Variants in WDFY4 observed in about 807,000 individuals in gnomAD.
The protein encoded by WDFY4 is WD repeat- and FYVE domain-containing protein 4.
A neutral mutation model predicts 351.9 loss-of-function variants in WDFY4; 169 were observed. The observed-to-expected ratio is 0.48, with a 90% confidence interval of 0.42 to 0.55. The LOEUF is 0.55. Ranked by LOEUF, WDFY4 falls within the 20% of genes least tolerant of loss-of-function variation. The pLI, the probability that WDFY4 is intolerant of heterozygous loss-of-function variation, is 0.00. For synonymous variants in WDFY4, 1,622 were observed against 1,574.6 expected (o/e 1.03, Z -0.71); for missense variants, 3,803 against 3,935.6 (o/e 0.97, Z 0.90).
chr10:48,832,519 A>C (rs2068224814), intron 38 of WDFY4, 54 bp from the exon 39 acceptor site: 1 of 1,467,442 alleles, frequency 6.8e-7, no homozygotes, highest in Non-Finnish European at 9.1e-7. Context: ...CTAGCTATAA[A>C]AATAGTGTGT....
rs141064566 is a variant in WDFY4, at chr10:48,826,543, A to G, written c.5983-128A>G. The G allele has an allele frequency of 2.1e-4, 141 of 666,610 alleles. No individual in the cohort carries two copies. The East Asian group carries it at 3.4e-3, about 16-fold the overall frequency. 41.3% of individuals were successfully genotyped at this position (666,610 alleles called of 1,614,324 possible). ...GTTTAATGGGAATAGCATTGAATCT[A>G]TAAATTACTTTGGGCGGTAAGCCAT... On this transcript the variant is annotated intron_variant, in intron 35 of 61. Transcript: ENST00000325239.
chr10:48,794,727 G>A (rs752679029), intron 23 of WDFY4, among the ~76,000 whole-genome samples: 5 of 152,174 alleles, frequency 3.3e-5, no homozygotes, highest in Admixed American at 2.6e-4. Flanking sequence ...GAGAAGGCGG[G>A]TATGGTCAAA....
At chr10:48,689,413 C>T (rs985950623) in intron 1 of WDFY4, among the ~76,000 whole-genome samples, 1 of 152,180 alleles carries the variant, frequency 6.6e-6, no homozygotes, top group Non-Finnish European at 1.5e-5. Flanking sequence ...GTGAAATACA[C>T]ACCAGATTTT....
At chr10:48,787,807 CTCTTCT>C (rs1555010319) in intron 20 of WDFY4, among the ~76,000 whole-genome samples, 6,046 of 77,120 alleles carry the variant, frequency 0.078, 685 homozygotes, top group Non-Finnish European at 0.11. Flanking sequence ...CCTCCTCCTC[CTCTTCT>C]TCTTCTTCTT....
At position 48,875,083 on chromosome 10, in the gene WDFY4, TTTCAGGAAAGCCA is replaced by T; in HGVS notation, c.6949-5_6956del. 1 of 1,481,466 alleles carries T rather than the reference TTTCAGGAAAGCCA, an allele frequency of 6.8e-7. No individual in the cohort carries two copies. The highest frequency in any genetic ancestry group is 9.0e-7 in the Non-Finnish European group (1 of 1,112,594). 91.8% of individuals were successfully genotyped at this position (1,481,466 alleles called of 1,614,324 possible). On this transcript the variant is annotated splice_acceptor_variant and splice_polypyrimidine_tract_variant and coding_sequence_variant and intron_variant, in exon 42 of 62. Coordinates refer to ENST00000325239, the MANE Select transcript of WDFY4 (RefSeq NM_001394531.1). LOFTEE classifies it high-confidence loss of function. ...TTAATTTTTCTTTTCAATGTCCTTA[TTTCAGGAAAGCCA>T]AGACAAAAATGATCATATTTCTCAA...
intron 11 of WDFY4, among the ~76,000 whole-genome samples, chr10:48,740,726 G>A (rs1170291603): frequency 1.3e-5 from 2 of 152,246 alleles, no homozygotes; most frequent in African/African-American, 4.8e-5. Flanking sequence ...GGCCTGGGAA[G>A]TCAATTTCCC....
At chr10:48,924,961 T>C (rs1839444314) in intron 47 of WDFY4, among the ~76,000 whole-genome samples, 1 of 152,232 alleles carries the variant, frequency 6.6e-6, no homozygotes, top group Admixed American at 6.5e-5. Flanking sequence ...TTCTTTCAAC[T>C]GATCCATTGA....
chr10:48,892,885 G>A (rs1836884821), intron 44 of WDFY4, among the ~76,000 whole-genome samples: 1 of 152,194 alleles, frequency 6.6e-6, no homozygotes, highest in African/African-American at 2.4e-5. Flanking sequence ...TTCTGAGAAG[G>A]TTAGCTTTTG....
intron 47 of WDFY4, among the ~76,000 whole-genome samples, chr10:48,926,094 GC>G (rs1184682231): frequency 6.6e-6 from 1 of 152,098 alleles, no homozygotes; most frequent in African/African-American, 2.4e-5. Flanking sequence ...TCCCTCTGTT[GC>G]CTGTGCTCCC....
At chr10:48,803,154 C>A in intron 24 of WDFY4, 132 bp from the exon 25 acceptor site, 1 of 850,990 alleles carries the variant, frequency 1.2e-6, no homozygotes. Context: ...TGATCTGATT[C>A]CAGAGCTGGT....
chr10:48,890,419 G>A (rs1240409374), intron 43 of WDFY4, among the ~76,000 whole-genome samples, 160 bp from the exon 44 acceptor site: 2 of 152,142 alleles, frequency 1.3e-5, no homozygotes, highest in East Asian at 3.9e-4. Flanking sequence ...AGGCTGTGAA[G>A]AGCAGTACAG....
At chr10:48,923,828 A>G (rs905207431) in intron 47 of WDFY4, among the ~76,000 whole-genome samples, 7 of 152,158 alleles carry the variant, frequency 4.6e-5, no homozygotes, top group Non-Finnish European at 1.5e-5. Flanking sequence ...ATCTAAGATA[A>G]AATTCAGCTC....
chr10:48,844,558 C>T (rs897171206), intron 39 of WDFY4, among the ~76,000 whole-genome samples: 1 of 152,074 alleles, frequency 6.6e-6, no homozygotes, highest in African/African-American at 2.4e-5. Context: ...AGCCATTGCC[C>T]TCCAGCCTAG....
At chr10:48,805,938 G>A (rs2067238914) in intron 26 of WDFY4, 66 bp from the exon 27 acceptor site, 2 of 1,388,348 alleles carry the variant, frequency 1.4e-6, no homozygotes, top group African/African-American at 1.4e-5. Context: ...TGAAAACACT[G>A]GCATGTACTC....
At chr10:48,810,164 G>T (rs1018461961) in intron 28 of WDFY4, among the ~76,000 whole-genome samples, 2 of 152,146 alleles carry the variant, frequency 1.3e-5, no homozygotes, top group Admixed American at 6.5e-5. Flanking sequence ...TGTGTTTTAT[G>T]TGACTACATT....
In WDFY4 at chr10:48,951,210, A is replaced by G. The variant is rs185178417; in HGVS notation, c.7977+4241A>G. Among the ~76,000 whole-genome samples, 340 of 152,302 alleles carry G rather than the reference A, an allele frequency of 2.2e-3. 2 individuals are homozygous for G. Among genetic ancestry groups the G allele is most frequent in the South Asian group, 3.7e-3 (18 of 4,814 alleles). On this transcript the variant is annotated intron_variant, in intron 51 of 61. Transcript: ENST00000325239. ...TTTGTTTTTCTGTCCCAAGCCTGTTATTACAATAAGATTTTTACAATCCAG... is the reference window on the plus strand; with the variant it reads ...TTTGTTTTTCTGTCCCAAGCCTGTTGTTACAATAAGATTTTTACAATCCAG...
chr10:48,780,885 T>C (rs1006104522), intron 19 of WDFY4, among the ~76,000 whole-genome samples: 3 of 152,202 alleles, frequency 2.0e-5, no homozygotes, highest in African/African-American at 7.2e-5. Context: ...TACATCAGAA[T>C]CTCTCTGGGT....
In WDFY4 at chr10:48,824,190, G is replaced by A. The variant is rs1448074705; in HGVS notation, c.5982+1653G>A. The A allele has an allele frequency of 3.0e-6, 3 of 985,416 alleles. No homozygotes were observed. The East Asian group carries it at 3.4e-4, about 112-fold the overall frequency. 61.0% of individuals were successfully genotyped at this position (985,416 alleles called of 1,614,324 possible). On this transcript the variant is annotated intron_variant, in intron 35 of 61. Coordinates refer to ENST00000325239, the MANE Select transcript of WDFY4 (RefSeq NM_001394531.1). The stretch of plus-strand genomic sequence containing the variant: ...CCAGTAGATGATATGGTGGTTAAGA[G>A]CGTGGCTTAAGTGTCCAGTGTGTGT...
At position 48,731,567 on chromosome 10, in the gene WDFY4, C is replaced by A. The variant is rs1449252541; in HGVS notation, c.1582+5C>A. On this transcript the variant is annotated splice_donor_5th_base_variant and intron_variant, in intron 9 of 61. Coordinates refer to ENST00000325239, the MANE Select transcript of WDFY4 (RefSeq NM_001394531.1). ...CCAAGATCATGAGGAAGTCAGGTGC[C>A]ACTGGGTGCATTGGGAGGGATGGGC... 6.5e-7 allele frequency: 1 copy of A among 1,548,482 alleles called. No homozygotes were observed.
Sources: gnomAD v4.1 joint callset for allele counts (sites outside exome capture counted in the v4.1 genomes callset) on GRCh38, gnomAD v4.1.1 for gene constraint, MANE v1.5 for transcripts, NCBI Gene and HGNC (gene_info 2026-07-23, HGNC 2026-07-21) for gene names.